The following NR2F1-AS1 variants were observed in gnomAD, a reference collection of about 807,000 sequenced individuals.
NR2F1-AS1 encodes the protein NR2F1 regulatory antisense RNA 1, also known as NR2F1 antisense RNA 1.
At chr5:93,557,545 G>A (rs1241356966) in intron 2 of NR2F1-AS1, among the ~76,000 whole-genome samples, 1 of 151,876 alleles carries the variant, frequency 6.6e-6, no homozygotes, top group Non-Finnish European at 1.5e-5. Flanking sequence ...AAAAAACTAT[G>A]TACACACCTT....
chr5:93,412,655 C>T (rs1748880959), intron 4 of NR2F1-AS1, among the ~76,000 whole-genome samples: 1 of 152,180 alleles, frequency 6.6e-6, no homozygotes, highest in African/African-American at 2.4e-5. Context: ...ATTTCGGTTG[C>T]CTTATGCCTT....
At chr5:93,473,142 T>C (rs1331557029) in intron 4 of NR2F1-AS1, among the ~76,000 whole-genome samples, 1 of 151,842 alleles carries the variant, frequency 6.6e-6, no homozygotes, top group East Asian at 1.9e-4. Flanking sequence ...ACAGTTTAAA[T>C]TGCTACAGAC....
At chr5:93,455,843 GCACACACACACACACACA>G (rs148016646) in intron 4 of NR2F1-AS1, among the ~76,000 whole-genome samples, 1 of 145,786 alleles carries the variant, frequency 6.9e-6, no homozygotes, top group Non-Finnish European at 1.5e-5. Flanking sequence ...ACACACACAC[GCACACACACACACACACA>G]CACACCTGAA....
At chr5:93,555,352 G>A (rs1752331120) in intron 2 of NR2F1-AS1, among the ~76,000 whole-genome samples, 1 of 152,164 alleles carries the variant, frequency 6.6e-6, no homozygotes, top group Non-Finnish European at 1.5e-5. Context: ...AGTTGCTGCT[G>A]GACAGAGAGA....
chr5:93,486,761 C>G (rs779622449), intron 4 of NR2F1-AS1, among the ~76,000 whole-genome samples: 4 of 152,296 alleles, frequency 2.6e-5, no homozygotes, highest in African/African-American at 4.8e-5. Context: ...CCAGCATCAT[C>G]CTGATACCAA....
chr5:93,421,758 A>G (rs976890970), intron 4 of NR2F1-AS1, among the ~76,000 whole-genome samples: 1 of 152,186 alleles, frequency 6.6e-6, no homozygotes, highest in Admixed American at 6.5e-5. Context: ...GGCTGCCGAC[A>G]CTGGATGCCG....
chr5:93,504,627 T>C (rs1447869617), intron 4 of NR2F1-AS1, among the ~76,000 whole-genome samples: 1 of 151,860 alleles, frequency 6.6e-6, no homozygotes, highest in Non-Finnish European at 1.5e-5. Flanking sequence ...AGAATCACGG[T>C]GGGAGGCAAA....
At chr5:93,496,142 C>A (rs943251435) in intron 4 of NR2F1-AS1, 2 of 152,088 alleles carry the variant, frequency 1.3e-5, no homozygotes, top group African/African-American at 4.8e-5. Context: ...GTATAAGAAA[C>A]TTTCAATTCC....
At chr5:93,459,261 T>C (rs941026652) in intron 4 of NR2F1-AS1, among the ~76,000 whole-genome samples, 15 of 151,920 alleles carry the variant, frequency 9.9e-5, no homozygotes, top group African/African-American at 3.6e-4. Context: ...AATATTCAAA[T>C]ATCTGAAATA....
intron 2 of NR2F1-AS1, among the ~76,000 whole-genome samples, chr5:93,555,892 T>C (rs1414170220): frequency 6.6e-6 from 1 of 152,222 alleles, no homozygotes; most frequent in Non-Finnish European, 1.5e-5. Flanking sequence ...TTAGAGGTCA[T>C]GTTTTTCTTC....
intron 4 of NR2F1-AS1, among the ~76,000 whole-genome samples, chr5:93,435,872 T>C (rs376305438): frequency 2.0e-5 from 3 of 152,200 alleles, no homozygotes; most frequent in Non-Finnish European, 4.4e-5. Flanking sequence ...TATTTTACCA[T>C]AGTGGATTGA....
chr5:93,454,778 T>A (rs1416841060), intron 4 of NR2F1-AS1, among the ~76,000 whole-genome samples: 1 of 152,046 alleles, frequency 6.6e-6, no homozygotes, highest in African/African-American at 2.4e-5. Context: ...TGATGAAACC[T>A]CCATAACAAT....
chr5:93,545,295 C>CA (rs1449792905), intron 4 of NR2F1-AS1, among the ~76,000 whole-genome samples: 1 of 152,200 alleles, frequency 6.6e-6, no homozygotes, highest in Admixed American at 6.5e-5. Flanking sequence ...CCAAGGCTGA[C>CA]AGAGGTTCTG....
intron 4 of NR2F1-AS1, among the ~76,000 whole-genome samples, chr5:93,482,252 G>C (rs1750615607): frequency 6.6e-6 from 1 of 152,106 alleles, no homozygotes; most frequent in Non-Finnish European, 1.5e-5. Flanking sequence ...TGAGGTACCT[G>C]ACTCATCTCA....
At chr5:93,505,108 G>C (rs1412990624) in intron 4 of NR2F1-AS1, among the ~76,000 whole-genome samples, 1 of 152,104 alleles carries the variant, frequency 6.6e-6, no homozygotes, top group African/African-American at 2.4e-5. Context: ...TGTTCCAAAT[G>C]AAAGAAATTG....
intron 4 of NR2F1-AS1, among the ~76,000 whole-genome samples, chr5:93,482,486 C>T (rs1433581761): frequency 6.6e-6 from 1 of 152,138 alleles, no homozygotes; most frequent in African/African-American, 2.4e-5. Context: ...GTGCCTATAT[C>T]ACCAGGGCCC....
At chr5:93,424,437 ACTC>A (rs1314803211) in intron 4 of NR2F1-AS1, among the ~76,000 whole-genome samples, 2 of 151,258 alleles carry the variant, frequency 1.3e-5, no homozygotes, top group Admixed American at 1.3e-4. Context: ...CCATATTTAT[ACTC>A]CTTCTTCTCC....
intron 4 of NR2F1-AS1, among the ~76,000 whole-genome samples, chr5:93,465,752 G>T (rs766952013): frequency 1.3e-5 from 2 of 151,996 alleles, no homozygotes; most frequent in Admixed American, 1.3e-4. Flanking sequence ...CCATAAAAAA[G>T]GATGAGTTCA....
At chr5:93,531,091 A>C (rs1394868375) in intron 4 of NR2F1-AS1, among the ~76,000 whole-genome samples, 1 of 152,192 alleles carries the variant, frequency 6.6e-6, no homozygotes, top group East Asian at 1.9e-4. Flanking sequence ...TCTGTTTAAT[A>C]AAAAACAAAT....
Sources: gnomAD v4.1 joint callset for allele counts (sites outside exome capture counted in the v4.1 genomes callset) on GRCh38, gnomAD v4.1.1 for gene constraint, MANE v1.5 for transcripts, NCBI Gene and HGNC (gene_info 2026-07-23, HGNC 2026-07-21) for gene names.